The following RALGAPA1 variants were observed in gnomAD, a reference collection of about 807,000 sequenced individuals.
RALGAPA1 encodes ral GTPase-activating protein subunit alpha-1.
A neutral mutation model predicts 269.6 loss-of-function variants in RALGAPA1; 52 were observed. The observed-to-expected ratio is 0.19, with a 90% confidence interval of 0.15 to 0.24. The LOEUF (loss-of-function observed/expected upper bound fraction) is 0.24, where lower values mean the gene tolerates loss of function less well. Among genes scored for constraint, RALGAPA1 ranks in the 10% least tolerant of loss-of-function variants. The pLI is 1.00. For missense variants in RALGAPA1, 1,917 were observed against 3,013.9 expected, an observed-to-expected ratio of 0.64 and a Z score of 8.52; for synonymous variants, 817 against 1,008.3, an observed-to-expected ratio of 0.81 and a Z score of 3.60.
intron 31 of RALGAPA1, among the ~76,000 whole-genome samples, chr14:35,644,116 A>G (rs1302975014): frequency 6.6e-6 from 1 of 152,220 alleles, no homozygotes; most frequent in Non-Finnish European, 1.5e-5. Context: ...CATATTATGC[A>G]CTGTATGTCT....
chr14:35,795,318 CAAG>C (rs1363141460), intron 1 of RALGAPA1, among the ~76,000 whole-genome samples: 2 of 151,980 alleles, frequency 1.3e-5, no homozygotes, highest in Non-Finnish European at 1.5e-5. Context: ...GACACAGCAC[CAAG>C]AAGGAGACAG....
intron 1 of RALGAPA1, among the ~76,000 whole-genome samples, chr14:35,786,368 G>A (rs1274188512): frequency 3.3e-5 from 5 of 152,018 alleles, no homozygotes; most frequent in Non-Finnish European, 7.4e-5. Flanking sequence ...AGCCAGGCGC[G>A]GTAGCTCAGG....
chr14:35,755,639 T>C (rs2073103402), intron 7 of RALGAPA1, among the ~76,000 whole-genome samples: 1 of 152,220 alleles, frequency 6.6e-6, no homozygotes, highest in Non-Finnish European at 1.5e-5. Flanking sequence ...TGGCATGCTA[T>C]GCATTATTTT....
In RALGAPA1 at chr14:35,621,827, A is replaced by C. The variant is rs577480823; in HGVS notation, c.6929+3534T>G. On this transcript the variant is annotated intron_variant, in intron 35 of 41. Transcript: ENST00000680220. ...AACCACAATGAGATACCATCTCACA[A>C]CAGTTAGAATGGCAATCATTAAAAA... Among the ~76,000 whole-genome samples the C allele has an allele frequency of 2.0e-4, 31 of 152,294 alleles. 1 individual carries two copies. In the South Asian group the frequency reaches 5.8e-3, roughly 29 times the overall value.
chr14:35,564,087 A>C (rs2056502386), intron 39 of RALGAPA1, among the ~76,000 whole-genome samples: 1 of 152,212 alleles, frequency 6.6e-6, no homozygotes, highest in Non-Finnish European at 1.5e-5. Context: ...TAATAACGAT[A>C]GCATCATTAA....
chr14:35,780,022 G>A (rs899648546), intron 1 of RALGAPA1, among the ~76,000 whole-genome samples: 9 of 151,802 alleles, frequency 5.9e-5, no homozygotes, highest in African/African-American at 1.5e-4. Flanking sequence ...CAGCATAATC[G>A]CTTGAACCCA....
chr14:35,549,836 C>T (rs960736316), intron 39 of RALGAPA1, among the ~76,000 whole-genome samples: 3 of 152,082 alleles, frequency 2.0e-5, no homozygotes, highest in African/African-American at 2.4e-5. Context: ...AAGATAAATA[C>T]ATAGCTGAAT....
At chr14:35,662,339 C>T (rs1018795445) in intron 27 of RALGAPA1, among the ~76,000 whole-genome samples, 1 of 152,150 alleles carries the variant, frequency 6.6e-6, no homozygotes, top group Admixed American at 6.5e-5. Context: ...CCAAGAAACA[C>T]CATGGTAAGT....
At chr14:35,568,574 G>A (rs1337831532) in intron 39 of RALGAPA1, among the ~76,000 whole-genome samples, 1 of 152,058 alleles carries the variant, frequency 6.6e-6, no homozygotes, top group Non-Finnish European at 1.5e-5. Context: ...CTTATAAATG[G>A]TAAGCTGTGA....
intron 36 of RALGAPA1, among the ~76,000 whole-genome samples, chr14:35,603,322 T>C (rs993325130): frequency 3.9e-5 from 6 of 152,180 alleles, no homozygotes; most frequent in Non-Finnish European, 8.8e-5. Flanking sequence ...GGATGTTTTT[T>C]ATACTTTTCA....
intron 13 of RALGAPA1, 85 bp from the exon 14 acceptor site, chr14:35,725,238 AT>A: frequency 1.1e-6 from 1 of 920,968 alleles, no homozygotes; most frequent in Non-Finnish European, 1.5e-6. Context: ...CATACTTCTT[AT>A]AAAAATTCAA....
chr14:35,774,373 A>T (rs1209302385), intron 3 of RALGAPA1, among the ~76,000 whole-genome samples: 1 of 152,140 alleles, frequency 6.6e-6, no homozygotes, highest in Non-Finnish European at 1.5e-5. Flanking sequence ...GTTTACTTTG[A>T]AAGACAATAA....
At chr14:35,657,805 C>T (rs994094815) in intron 28 of RALGAPA1, among the ~76,000 whole-genome samples, 4 of 151,728 alleles carry the variant, frequency 2.6e-5, no homozygotes, top group Non-Finnish European at 5.9e-5. Flanking sequence ...AGACAAACTG[C>T]CAGGGTTCTG....
At chr14:35,626,127 T>A (rs1010730511) in intron 34 of RALGAPA1, among the ~76,000 whole-genome samples, 20 of 152,160 alleles carry the variant, frequency 1.3e-4, no homozygotes, top group African/African-American at 4.6e-4. Flanking sequence ...ACATTTCCTA[T>A]AAGGCAGAGG....
intron 31 of RALGAPA1, among the ~76,000 whole-genome samples, chr14:35,649,781 T>C (rs973624144): frequency 6.6e-6 from 1 of 152,202 alleles, no homozygotes; most frequent in Non-Finnish European, 1.5e-5. Context: ...TTATATTGTG[T>C]TGCCTCATTT....
intron 7 of RALGAPA1, among the ~76,000 whole-genome samples, chr14:35,754,878 A>G (rs944923862): frequency 1.3e-5 from 2 of 152,240 alleles, no homozygotes; most frequent in African/African-American, 4.8e-5. Flanking sequence ...CACATACAAG[A>G]AGATAGACAA....
At chr14:35,554,265 G>A (rs918255794) in intron 39 of RALGAPA1, among the ~76,000 whole-genome samples, 4 of 150,826 alleles carry the variant, frequency 2.7e-5, no homozygotes, top group African/African-American at 9.7e-5. Context: ...GAAGATTGCT[G>A]CAAAACGCCC....
intron 4 of RALGAPA1, among the ~76,000 whole-genome samples, chr14:35,765,083 T>C (rs1288444581): frequency 6.6e-6 from 1 of 152,186 alleles, no homozygotes; most frequent in East Asian, 1.9e-4. Flanking sequence ...TATTTCGGGA[T>C]TTATGATGTT....
intron 39 of RALGAPA1, among the ~76,000 whole-genome samples, chr14:35,558,190 T>C (rs995849974): frequency 4.6e-5 from 7 of 152,216 alleles, no homozygotes; most frequent in African/African-American, 1.4e-4. Context: ...GAAATAGTTA[T>C]GAGCTACTCA....
Sources: gnomAD v4.1 joint callset for allele counts (sites outside exome capture counted in the v4.1 genomes callset) on GRCh38, gnomAD v4.1.1 for gene constraint, MANE v1.5 for transcripts, NCBI Gene and HGNC (gene_info 2026-07-23, HGNC 2026-07-21) for gene names.